The following CDH10 variants were observed in gnomAD, a reference collection of about 807,000 sequenced individuals.
The protein encoded by CDH10 is cadherin 10.
Under a neutral mutation model 73.1 loss-of-function variants are expected in CDH10, and 30 were observed. The ratio of observed to expected loss-of-function variants is 0.41; its 90% CI spans 0.31 to 0.56. The LOEUF (loss-of-function observed/expected upper bound fraction) is 0.56. CDH10 is among the 20% of genes least tolerant of loss of function. The pLI is 0.27. For synonymous variants in CDH10, 345 were observed against 348.2 expected (o/e 0.99, Z 0.10); for missense variants, 815 against 973.7 (o/e 0.84, Z 2.17).
chr5:24,574,280 G>T (rs1745514963), intron 2 of CDH10, among the ~76,000 whole-genome samples: 1 of 152,100 alleles, frequency 6.6e-6, no homozygotes, highest in Non-Finnish European at 1.5e-5. Context: ...GACCAAATAT[G>T]TCACTTTTTT....
In CDH10 at chr5:24,498,384, C is replaced by T. The variant is rs2111682534; in HGVS notation, c.1515+14G>A. 6.3e-7 allele frequency: 1 copy of T among 1,577,230 alleles called. No individual in the cohort carries two copies. Among genetic ancestry groups the T allele is most frequent in the Non-Finnish European group, 8.7e-7 (1 of 1,154,492 alleles). ...TTAAAATCTTTCCAGAGTTTTAATCCTGTAGGGGCTTACCTGCCCTGGTCT... is the reference window on the plus strand; with the variant it reads ...TTAAAATCTTTCCAGAGTTTTAATCTTGTAGGGGCTTACCTGCCCTGGTCT... On this transcript the variant is annotated intron_variant, in intron 9 of 11. Coordinates refer to ENST00000264463, the MANE Select transcript of CDH10 (RefSeq NM_006727.5).
At chr5:24,560,200 TTG>T (rs70965615) in intron 2 of CDH10, among the ~76,000 whole-genome samples, 5,619 of 148,240 alleles carry the variant, frequency 0.038, 299 homozygotes, top group African/African-American at 0.12. Context: ...ATATTTGCAA[TTG>T]TGTGTGTGTG....
chr5:24,628,866 A>C (rs949873628), intron 1 of CDH10, among the ~76,000 whole-genome samples: 9 of 140,478 alleles, frequency 6.4e-5, no homozygotes, highest in Non-Finnish European at 9.2e-5. Context: ...ACACACACAC[A>C]CACACACAGA....
At chr5:24,612,823 G>GCC (rs1746993687) in intron 1 of CDH10, 2 of 152,200 alleles carry the variant, frequency 1.3e-5, no homozygotes. Context: ...CTTTTGAAAT[G>GCC]TAAGGCAGTT....
At chr5:24,560,461 T>C (rs149145414) in intron 2 of CDH10, among the ~76,000 whole-genome samples, 1,406 of 129,166 alleles carry the variant, frequency 0.011, 22 homozygotes, top group African/African-American at 0.036. Flanking sequence ...GAATTAAATA[T>C]GCTTTTTGAT....
At chr5:24,500,360 A>G (rs899105065) in intron 8 of CDH10, among the ~76,000 whole-genome samples, 1 of 152,242 alleles carries the variant, frequency 6.6e-6, no homozygotes, top group African/African-American at 2.4e-5. Flanking sequence ...CACTTTTTGC[A>G]AGAGAAAATT....
intron 1 of CDH10, among the ~76,000 whole-genome samples, chr5:24,634,162 T>C (rs1160518307): frequency 6.6e-6 from 1 of 151,884 alleles, no homozygotes. Flanking sequence ...AAGAAATGAT[T>C]ATTTCAGTAG....
chr5:24,602,914 A>G (rs1327677536), intron 1 of CDH10, among the ~76,000 whole-genome samples: 1 of 152,170 alleles, frequency 6.6e-6, no homozygotes, highest in East Asian at 1.9e-4. Flanking sequence ...TTTCTAGAAT[A>G]CATGCTTCCT....
At chr5:24,561,613 G>C (rs1744962882) in intron 2 of CDH10, among the ~76,000 whole-genome samples, 1 of 151,922 alleles carries the variant, frequency 6.6e-6, no homozygotes, top group African/African-American at 2.4e-5. Context: ...CCACAATTAG[G>C]TTAAAATGAA....
At chr5:24,570,046 G>T (rs980372021) in intron 2 of CDH10, among the ~76,000 whole-genome samples, 2 of 152,082 alleles carry the variant, frequency 1.3e-5, no homozygotes, top group African/African-American at 4.8e-5. Flanking sequence ...GATTACAGGC[G>T]TGAGCCACTG....
In CDH10 at chr5:24,572,144, C is replaced by T. The variant is rs183017386; in HGVS notation, c.231+21116G>A. On this transcript the variant is annotated intron_variant, in intron 2 of 11. Transcript: ENST00000264463. The stretch of plus-strand genomic sequence containing the variant: ...AGTCTATATTATCTTGGAGCTCTGT[C>T]TGAAGAAGAAATCAAAATTAACCTG... Among the ~76,000 whole-genome samples the T allele has an allele frequency of 1.4e-4, 21 of 152,154 alleles. No individual in the cohort carries two copies. The East Asian group carries it at 4.1e-3, about 29-fold the overall frequency.
intron 2 of CDH10, among the ~76,000 whole-genome samples, chr5:24,564,560 G>A (rs1745097781): frequency 6.6e-6 from 1 of 152,104 alleles, no homozygotes; most frequent in Non-Finnish European, 1.5e-5. Context: ...CCCTACAGGG[G>A]TTGTTAAAAG....
intron 2 of CDH10, among the ~76,000 whole-genome samples, chr5:24,550,421 G>A (rs1011408811): frequency 2.0e-5 from 3 of 151,940 alleles, no homozygotes; most frequent in African/African-American, 7.2e-5. Flanking sequence ...GGAATGTAAA[G>A]AGAACTACAT....
chr5:24,611,368 C>T (rs1474978194), intron 1 of CDH10, among the ~76,000 whole-genome samples: 1 of 151,980 alleles, frequency 6.6e-6, no homozygotes, highest in African/African-American at 2.4e-5. Flanking sequence ...GATCGCTTGA[C>T]ACCAAGAGTT....
intron 2 of CDH10, among the ~76,000 whole-genome samples, chr5:24,570,187 C>G (rs1382560418): frequency 6.6e-6 from 1 of 152,008 alleles, no homozygotes. Flanking sequence ...GATTTTAACA[C>G]CAATAAAGTA....
Position 24,575,388 on chromosome 5 carries a change from A to T in CDH10, c.231+17872T>A, listed in dbSNP as rs1053735030. 2.2e-4 allele frequency among the ~76,000 whole-genome samples: 34 copies of T among 151,618 alleles called. No individual in the cohort carries two copies. In the East Asian group the frequency reaches 4.1e-3, roughly 18 times the overall value. On this transcript the variant is annotated intron_variant, in intron 2 of 11. Coordinates refer to ENST00000264463, the MANE Select transcript of CDH10 (RefSeq NM_006727.5). ...AAAAAAAAAAAGGAAAAAAAAGAAA[A>T]GTCTCCTGCATCCTCAGTCTGTAAT...
chr5:24,510,479 T>C lies in CDH10; in HGVS notation c.1003-660A>G, dbSNP rs183925245. Reference sequence around the variant, plus strand: ...ATCTCACCTATTCTGAAATGTATGTTTTGTTAACAGATAAATGATATTATT... The same window carrying C: ...ATCTCACCTATTCTGAAATGTATGTCTTGTTAACAGATAAATGATATTATT... On this transcript the variant is annotated intron_variant, in intron 6 of 11. Transcript: ENST00000264463. 2.5e-3 allele frequency among the ~76,000 whole-genome samples: 380 copies of C among 152,318 alleles called. 3 individuals are homozygous for C. The highest frequency in any genetic ancestry group is 3.7e-3 in the Non-Finnish European group (255 of 68,016).
chr5:24,554,119 G>GAGAGTGAGAGAGAGAGAGAGAGAGAGAGA (rs143196281), intron 2 of CDH10: 1 of 39,782 alleles, frequency 2.5e-5, no homozygotes. Context: ...GGCGGGGGGG[G>GAGAGTGAGAGAGAGAGAGAGAGAGAGAGA]GAGAGAGAGA....
intron 5 of CDH10, among the ~76,000 whole-genome samples, chr5:24,521,704 T>A (rs888906958): frequency 6.6e-6 from 1 of 152,058 alleles, no homozygotes; most frequent in Non-Finnish European, 1.5e-5. Context: ...AACCAAACTA[T>A]TAAACTAAAC....
Sources: gnomAD v4.1 joint callset for allele counts (sites outside exome capture counted in the v4.1 genomes callset) on GRCh38, gnomAD v4.1.1 for gene constraint, MANE v1.5 for transcripts, NCBI Gene and HGNC (gene_info 2026-07-23, HGNC 2026-07-21) for gene names.